Variants in SORBS2 observed in about 807,000 individuals in gnomAD.
SORBS2 encodes sorbin and SH3 domain containing 2.
Under a neutral mutation model 97.7 loss-of-function variants are expected in SORBS2, and 46 were observed. The ratio of observed to expected loss-of-function variants is 0.47; its 90% CI spans 0.37 to 0.60. The LOEUF is 0.60. Among genes scored for constraint, SORBS2 ranks in the 20% least tolerant of loss-of-function variants. The pLI is 0.00. For missense variants in SORBS2, 1,316 were observed against 1,282.3 expected, an observed-to-expected ratio of 1.03 and a Z score of -0.40; for synonymous variants, 476 against 473.4, an observed-to-expected ratio of 1.01 and a Z score of -0.07.
Position 185,623,215 on chromosome 4 carries a change from G to C in SORBS2, c.1914C>G (p.Ala638=). 1 of 1,614,118 alleles carries C rather than the reference G, an allele frequency of 6.2e-7. No homozygotes were observed. Among genetic ancestry groups the C allele is most frequent in the African/African-American group, 1.3e-5 (1 of 75,034 alleles). ...TAATTTGGTCACAGATGTCTTTAAGGGCAGAGTCCAGAGCCTCAAACACAG... is the reference window on the plus strand; with the variant it reads ...TAATTTGGTCACAGATGTCTTTAAGCGCAGAGTCCAGAGCCTCAAACACAG... The change falls in exon 7 of 15, where the codon GCC becomes GCG. Residue 638 remains alanine (A), a synonymous_variant. Coordinates refer to ENST00000418609, the Ensembl canonical transcript of SORBS2. The surrounding 1 kb of genome is among the most constrained non-coding windows in gnomAD (Gnocchi z 6.4).
At chr4:185,756,552 C>T (rs985097351) in intron 2 of SORBS2, among the ~76,000 whole-genome samples, 2 of 152,026 alleles carry the variant, frequency 1.3e-5, no homozygotes, top group African/African-American at 4.8e-5. Flanking sequence ...TTTACATTAC[C>T]TTAACTATAT....
At chr4:185,871,480 A>G (rs1455574715) in intron 1 of SORBS2, among the ~76,000 whole-genome samples, 1 of 152,262 alleles carries the variant, frequency 6.6e-6, no homozygotes, top group African/African-American at 2.4e-5. Flanking sequence ...TAGCGAAGGA[A>G]TAAAATTCAG....
intron 1 of SORBS2, among the ~76,000 whole-genome samples, chr4:185,836,772 A>G (rs1382161626): frequency 2.0e-5 from 3 of 152,254 alleles, no homozygotes; most frequent in Non-Finnish European, 4.4e-5. Context: ...CATTATTTAT[A>G]GAAAAATGTT....
At chr4:185,903,416 G>T (rs2099248818) in intron 1 of SORBS2, among the ~76,000 whole-genome samples, 1 of 152,010 alleles carries the variant, frequency 6.6e-6, no homozygotes, top group Non-Finnish European at 1.5e-5. Flanking sequence ...CTCCACTTTG[G>T]CTTGACATGT....
chr4:185,728,729 C>A (rs927830795), intron 2 of SORBS2, among the ~76,000 whole-genome samples: 5 of 152,182 alleles, frequency 3.3e-5, no homozygotes, highest in African/African-American at 1.2e-4. Context: ...TCTTCTCTCC[C>A]AGGGTGACAT....
intron 1 of SORBS2, among the ~76,000 whole-genome samples, chr4:185,927,255 G>C (rs556323391): frequency 6.6e-6 from 1 of 150,832 alleles, no homozygotes; most frequent in Admixed American, 6.6e-5. Flanking sequence ...AAAAAATTTT[G>C]AGCACTCAGT....
At chr4:185,653,469 T>A (rs1036462143) in intron 1 of SORBS2, among the ~76,000 whole-genome samples, 15 of 152,098 alleles carry the variant, frequency 9.9e-5, no homozygotes, top group Non-Finnish European at 1.9e-4. Context: ...CAAATCTTGG[T>A]TCCTTAAATT....
chr4:185,922,736 A>G (rs541049558), intron 1 of SORBS2, among the ~76,000 whole-genome samples: 1 of 152,312 alleles, frequency 6.6e-6, no homozygotes, highest in Admixed American at 6.5e-5. Context: ...AGCAATTGTT[A>G]TAGTTCGCAG....
At chr4:185,862,849 C>T (rs1383490725) in intron 1 of SORBS2, among the ~76,000 whole-genome samples, 1 of 152,146 alleles carries the variant, frequency 6.6e-6, no homozygotes, top group Non-Finnish European at 1.5e-5. Flanking sequence ...CACCTGACAC[C>T]TCTGGATTGG....
chr4:185,651,435 T>TA (rs2153460646), intron 2 of SORBS2, among the ~76,000 whole-genome samples: 2 of 152,360 alleles, frequency 1.3e-5, no homozygotes, highest in African/African-American at 4.8e-5. Flanking sequence ...TGAAAGATCT[T>TA]ACACAATTGT....
intron 1 of SORBS2, among the ~76,000 whole-genome samples, chr4:185,816,328 C>T (rs867428997): frequency 4.6e-5 from 7 of 152,214 alleles, no homozygotes; most frequent in African/African-American, 9.7e-5. Flanking sequence ...CAAAGAAACA[C>T]GTCATATGAC....
chr4:185,749,722 G>C (rs935059350), intron 2 of SORBS2, among the ~76,000 whole-genome samples: 2 of 152,238 alleles, frequency 1.3e-5, no homozygotes, highest in Non-Finnish European at 2.9e-5. Flanking sequence ...AGACTAGTTT[G>C]CCAGGAGTTT....
At position 185,947,379 on chromosome 4, in the gene SORBS2, A is replaced by G. The variant is rs144302805; in HGVS notation, c.-338+8817T>C. ...ATTTTCCTCTAGTTTCAAACTTTGG[A>G]GGTGATGTGAGGTCTTTTCTTCCTA... On this transcript the variant is annotated intron_variant, in intron 1 of 20. Coordinates refer to the SORBS2 transcript ENST00000284776. Among the ~76,000 whole-genome samples the G allele has an allele frequency of 6.2e-3, 947 of 152,250 alleles. 5 individuals are homozygous for G. The highest frequency in any genetic ancestry group is 0.024 in the Middle Eastern group (7 of 294).
chr4:185,952,434 G>A (rs1191525690), intron 1 of SORBS2, among the ~76,000 whole-genome samples: 6 of 152,214 alleles, frequency 3.9e-5, no homozygotes, highest in Non-Finnish European at 8.8e-5. Context: ...TGAGAACACC[G>A]GGCCCTCCCA....
At chr4:185,936,825 C>T (rs1174341337) in intron 1 of SORBS2, among the ~76,000 whole-genome samples, 2 of 152,210 alleles carry the variant, frequency 1.3e-5, no homozygotes, top group Non-Finnish European at 2.9e-5. Context: ...CCACACTCAG[C>T]TTCTGCTCTC....
chr4:185,683,034 AG>A (rs2097896708), intron 2 of SORBS2, among the ~76,000 whole-genome samples: 1 of 150,196 alleles, frequency 6.7e-6, no homozygotes, highest in African/African-American at 2.5e-5. Context: ...AAAAAAGAAA[AG>A]AAAAGAAAAA....
intron 1 of SORBS2, among the ~76,000 whole-genome samples, chr4:185,947,515 A>G (rs1398349942): frequency 6.6e-6 from 1 of 152,194 alleles, no homozygotes; most frequent in African/African-American, 2.4e-5. Context: ...TTCCAACCCA[A>G]CCTTCCAATT....
chr4:185,588,587 T>TCTCCTCCCTCCTCCTCCTCCCTCCTCCTC lies in SORBS2; in HGVS notation c.2954-928_2954-900dup, dbSNP rs2095843517. 1.3e-4 allele frequency among the ~76,000 whole-genome samples: 16 copies of TCTCCTCCCTCCTCCTCCTCCCTCCTCCTC among 122,926 alleles called. No individual in the cohort carries two copies. In the South Asian group the frequency reaches 4.0e-3, roughly 31 times the overall value. 80.6% of individuals were successfully genotyped at this position (122,926 alleles called of 152,430 possible). On this transcript the variant is annotated intron_variant, in intron 14 of 14. Coordinates refer to ENST00000418609, the Ensembl canonical transcript of SORBS2. Reference sequence around the variant, plus strand: ...TTGGCTAGGCAAGCCATTTTACGTTTCTCCTCCCTCCTCCTCCTCCCTCCT... The same window carrying TCTCCTCCCTCCTCCTCCTCCCTCCTCCTC: ...TTGGCTAGGCAAGCCATTTTACGTTTCTCCTCCCTCCTCCTCCTCCCTCCTCCTCCTCCTCCCTCCTCCTCCTCCCTCCT...
intron 1 of SORBS2, among the ~76,000 whole-genome samples, chr4:185,854,632 T>C (rs1232629972): frequency 6.6e-6 from 1 of 152,186 alleles, no homozygotes; most frequent in Admixed American, 6.5e-5. Flanking sequence ...TAGAATGAAA[T>C]CTGTCTACTG....
Sources: gnomAD v4.1 joint callset for allele counts (sites outside exome capture counted in the v4.1 genomes callset) on GRCh38, gnomAD v4.1.1 for gene constraint, Gnocchi (gnomAD v3.1) non-coding constraint, MANE v1.5 for transcripts, NCBI Gene and HGNC (gene_info 2026-07-23, HGNC 2026-07-21) for gene names.